CADM2: variants seen among roughly 807,000 people sequenced by gnomAD.
CADM2 encodes the protein cell adhesion molecule 2.
CADM2 carries 12 observed loss-of-function variants against 49.8 expected under a neutral mutation model. The observed-to-expected ratio is 0.24, with a 90% CI of 0.15 to 0.39. The LOEUF (loss-of-function observed/expected upper bound fraction) is 0.39, where lower values mean the gene tolerates loss of function less well. Among genes scored for constraint, CADM2 ranks in the 10% least tolerant of loss-of-function variants. The pLI is 1.00. For missense variants in CADM2, 378 were observed against 492.3 expected (o/e 0.77, Z 2.20); for synonymous variants, 214 against 175.4 (o/e 1.22, Z -1.74).
At chr3:85,024,795 C>G (rs1428798238) in intron 1 of CADM2, among the ~76,000 whole-genome samples, 2 of 151,562 alleles carry the variant, frequency 1.3e-5, no homozygotes, top group Admixed American at 6.6e-5. Context: ...TTTGTGTGTA[C>G]ATAAATAACT....
intron 1 of CADM2, among the ~76,000 whole-genome samples, chr3:85,420,385 A>G (rs562069839): frequency 1.3e-5 from 2 of 152,346 alleles, no homozygotes; most frequent in South Asian, 4.1e-4. Context: ...TTGTCTTAGA[A>G]AAGAATGCAT....
chr3:85,439,850 A>G lies in CADM2; in HGVS notation c.62-286672A>G, dbSNP rs11919006. 8.3e-3 allele frequency among the ~76,000 whole-genome samples: 1,268 copies of G among 152,298 alleles called. 15 individuals carry two copies. The highest frequency in any genetic ancestry group is 0.029 in the African/African-American group (1,208 of 41,568). On this transcript the variant is annotated intron_variant, in intron 1 of 9. Transcript: ENST00000383699. ...ATCAGGTGCATTAAATAGAGGGTTA[A>G]AGCAATTTAAAGTCAGACTCAAAAA...
rs541236779 is a variant in CADM2, at chr3:85,623,509, G to C, written c.62-103013G>C. ...CAGATTGTAGGAGCCCAAATGTAAT[G>C]ATGGAGGCAAACAACGTAAGTGTGA... On this transcript the variant is annotated intron_variant, in intron 1 of 9. Transcript: ENST00000383699. Among the ~76,000 whole-genome samples the C allele has an allele frequency of 3.3e-5, 5 of 152,210 alleles. No individual in the cohort carries two copies. The South Asian group carries it at 1.0e-3, about 32-fold the overall frequency.
chr3:85,281,517 C>G (rs1301114365), intron 1 of CADM2, among the ~76,000 whole-genome samples: 2 of 151,896 alleles, frequency 1.3e-5, no homozygotes, highest in Non-Finnish European at 2.9e-5. Flanking sequence ...TTTTAGATAA[C>G]TTTTCAAAGA....
At chr3:85,020,419 G>A (rs1415254496) in intron 1 of CADM2, among the ~76,000 whole-genome samples, 1 of 152,066 alleles carries the variant, frequency 6.6e-6, no homozygotes, top group Non-Finnish European at 1.5e-5. Context: ...TCAGCAACAA[G>A]TCATGAGGTA....
chr3:85,069,595 A>C (rs1351254354), intron 1 of CADM2, among the ~76,000 whole-genome samples: 2 of 152,058 alleles, frequency 1.3e-5, no homozygotes, highest in Non-Finnish European at 2.9e-5. Context: ...AAAGAGTGGG[A>C]AAATCATATC....
At chr3:85,195,531 A>G (rs1390686827) in intron 1 of CADM2, among the ~76,000 whole-genome samples, 1 of 134,462 alleles carries the variant, frequency 7.4e-6, no homozygotes, top group Non-Finnish European at 1.6e-5. Context: ...GTAAACCATG[A>G]AAACCAGCAA....
At chr3:84,976,495 T>C (rs2031828719) in intron 1 of CADM2, among the ~76,000 whole-genome samples, 1 of 151,772 alleles carries the variant, frequency 6.6e-6, no homozygotes. Context: ...TATAGAAATA[T>C]AGAAATCTAT....
At chr3:85,697,550 T>C (rs887409128) in intron 1 of CADM2, among the ~76,000 whole-genome samples, 23 of 152,172 alleles carry the variant, frequency 1.5e-4, no homozygotes, top group Admixed American at 1.5e-3. Context: ...AAATATGTTT[T>C]TGTTGTACTT....
At chr3:85,382,247 T>C (rs2033948601) in intron 1 of CADM2, among the ~76,000 whole-genome samples, 1 of 152,258 alleles carries the variant, frequency 6.6e-6, no homozygotes, top group South Asian at 2.1e-4. Context: ...TAAGGAGGTA[T>C]TGGCAGAGAA....
At chr3:85,900,904 T>A (rs776349234) in intron 5 of CADM2, among the ~76,000 whole-genome samples, 1 of 152,206 alleles carries the variant, frequency 6.6e-6, no homozygotes, top group South Asian at 2.1e-4. Flanking sequence ...TTGTGGCACA[T>A]AGGAGAAGGT....
intron 1 of CADM2, among the ~76,000 whole-genome samples, chr3:85,631,077 C>A (rs573830628): frequency 6.6e-5 from 10 of 152,156 alleles, no homozygotes; most frequent in African/African-American, 2.4e-4. Flanking sequence ...AAACTCATCA[C>A]ATATATGCCT....
intron 1 of CADM2, among the ~76,000 whole-genome samples, chr3:85,003,341 A>G (rs1233223902): frequency 1.3e-5 from 2 of 152,158 alleles, no homozygotes. Flanking sequence ...ACAATTGTCT[A>G]TGGTTACCTT....
At chr3:85,689,340 T>A (rs1577090243) in intron 1 of CADM2, among the ~76,000 whole-genome samples, 1 of 152,338 alleles carries the variant, frequency 6.6e-6, no homozygotes, top group Middle Eastern at 3.4e-3. Flanking sequence ...ATGAAGCTAT[T>A]TCTTTTAAAT....
At chr3:85,856,773 G>A (rs1439249789) in intron 3 of CADM2, among the ~76,000 whole-genome samples, 2 of 152,080 alleles carry the variant, frequency 1.3e-5, no homozygotes, top group African/African-American at 4.8e-5. Context: ...GTCTATATAA[G>A]TATAGTAAAA....
At chr3:85,557,388 G>A (rs896212691) in intron 1 of CADM2, among the ~76,000 whole-genome samples, 1 of 151,858 alleles carries the variant, frequency 6.6e-6, no homozygotes, top group African/African-American at 2.4e-5. Flanking sequence ...TATTGAAACA[G>A]TAGACTCAAT....
intron 1 of CADM2, among the ~76,000 whole-genome samples, chr3:85,685,092 A>C (rs948640595): frequency 1.3e-5 from 2 of 152,166 alleles, no homozygotes; most frequent in African/African-American, 4.8e-5. Flanking sequence ...CTCTACTACA[A>C]ATACAAAAAA....
intron 1 of CADM2, among the ~76,000 whole-genome samples, chr3:85,255,438 A>G (rs943305178): frequency 4.6e-5 from 7 of 152,048 alleles, no homozygotes; most frequent in South Asian, 2.1e-4. Flanking sequence ...CTCTTGTGGA[A>G]TGAATGAATG....
At chr3:85,792,652 A>G (rs1458379810) in intron 2 of CADM2, among the ~76,000 whole-genome samples, 2 of 152,316 alleles carry the variant, frequency 1.3e-5, no homozygotes, top group South Asian at 4.1e-4. Context: ...ATCCACTGCT[A>G]TGGCCACATT....
Sources: gnomAD v4.1 joint callset for allele counts (sites outside exome capture counted in the v4.1 genomes callset) on GRCh38, gnomAD v4.1.1 for gene constraint, MANE v1.5 for transcripts, NCBI Gene and HGNC (gene_info 2026-07-23, HGNC 2026-07-21) for gene names.